The following PTPRG variants were observed in gnomAD, a reference collection of about 807,000 sequenced individuals.
The protein encoded by PTPRG is protein tyrosine phosphatase receptor type G.
PTPRG carries 102 observed loss-of-function variants against 165.3 expected under a neutral mutation model. That is an observed-to-expected ratio of 0.62 (90% CI 0.53 to 0.73). The LOEUF (loss-of-function observed/expected upper bound fraction) is 0.73. Ranked by LOEUF, PTPRG falls within the 30% of genes least tolerant of loss-of-function variation. The pLI is 0.00. For missense variants in PTPRG, 1,866 were observed against 1,861.4 expected, an observed-to-expected ratio of 1.00 and a Z score of -0.05; for synonymous variants, 675 against 669.5, an observed-to-expected ratio of 1.01 and a Z score of -0.13.
chr3:62,064,721 ATTTTTTTTTTT>A (rs35605831), intron 4 of PTPRG, among the ~76,000 whole-genome samples: 7 of 62,930 alleles, frequency 1.1e-4, no homozygotes, highest in South Asian at 8.2e-4. Context: ...GGTTATTTGG[ATTTTTTTTTTT>A]TTTTTTTTTT....
At chr3:62,194,770 T>C (rs2106816709) in intron 9 of PTPRG, among the ~76,000 whole-genome samples, 1 of 151,468 alleles carries the variant, frequency 6.6e-6, no homozygotes, top group South Asian at 2.1e-4. Context: ...GCCATTGAAC[T>C]CCAGCCTAGG....
chr3:62,280,595 TCA>T (rs1311399526), intron 26 of PTPRG, among the ~76,000 whole-genome samples: 1 of 151,928 alleles, frequency 6.6e-6, no homozygotes, highest in Non-Finnish European at 1.5e-5. Context: ...AAGAAAACTC[TCA>T]CACACTGTTG....
intron 4 of PTPRG, among the ~76,000 whole-genome samples, chr3:62,019,360 A>G (rs149988976): frequency 6.6e-6 from 1 of 152,226 alleles, no homozygotes; most frequent in Admixed American, 6.5e-5. Context: ...CATCTCTACC[A>G]AAAATACAAA....
intron 1 of PTPRG, among the ~76,000 whole-genome samples, chr3:61,688,342 C>T (rs1197222183): frequency 6.6e-6 from 1 of 152,204 alleles, no homozygotes; most frequent in East Asian, 1.9e-4. Flanking sequence ...CACGGGCCAG[C>T]CTAGACTCTG....
chr3:61,602,807 A>G (rs571938072), intron 1 of PTPRG, among the ~76,000 whole-genome samples: 1 of 152,224 alleles, frequency 6.6e-6, no homozygotes, highest in East Asian at 1.9e-4. Flanking sequence ...TGATTGTTAC[A>G]TTTTCAGGAA....
At chr3:61,845,233 G>C (rs760395791) in intron 2 of PTPRG, among the ~76,000 whole-genome samples, 1 of 152,184 alleles carries the variant, frequency 6.6e-6, no homozygotes, top group Admixed American at 6.5e-5. Context: ...CTTGGTGAAT[G>C]AACTGTCAAG....
intron 1 of PTPRG, among the ~76,000 whole-genome samples, chr3:61,609,675 G>T (rs542614028): frequency 6.6e-6 from 1 of 151,712 alleles, no homozygotes; most frequent in Admixed American, 6.6e-5. Context: ...TGGGCAATAC[G>T]GCAAAACCGC....
At chr3:61,611,742 G>C (rs2106874205) in intron 1 of PTPRG, among the ~76,000 whole-genome samples, 1 of 152,244 alleles carries the variant, frequency 6.6e-6, no homozygotes, top group Admixed American at 6.5e-5. Flanking sequence ...GCCACAGACA[G>C]TACATCAATG....
intron 17 of PTPRG, among the ~76,000 whole-genome samples, chr3:62,264,370 G>A (rs1701796539): frequency 6.6e-6 from 1 of 151,986 alleles, no homozygotes; most frequent in South Asian, 2.1e-4. Flanking sequence ...TATTCACGGA[G>A]TTGTACGATC....
At chr3:62,011,368 T>C (rs80343316) in intron 4 of PTPRG, among the ~76,000 whole-genome samples, 2,191 of 152,306 alleles carry the variant, frequency 0.014, 46 homozygotes, top group African/African-American at 0.05. Flanking sequence ...ACTCCTTTCA[T>C]AGAGTCTCTG....
chr3:62,074,180 A>AGAGTGTGT (rs1553713353), intron 4 of PTPRG, among the ~76,000 whole-genome samples: 11 of 143,688 alleles, frequency 7.7e-5, no homozygotes, highest in Middle Eastern at 3.7e-3. Flanking sequence ...AAAAAGTGAG[A>AGAGTGTGT]GTGTGTGTGT....
chr3:62,000,246 G>A (rs1664158323), intron 3 of PTPRG, among the ~76,000 whole-genome samples: 2 of 145,852 alleles, frequency 1.4e-5, no homozygotes, highest in Non-Finnish European at 3.0e-5. Flanking sequence ...ACATCATTGC[G>A]CTCCAGCCTG....
At chr3:62,259,740 AG>A (rs759418766) in intron 16 of PTPRG, among the ~76,000 whole-genome samples, 7 of 152,194 alleles carry the variant, frequency 4.6e-5, no homozygotes, top group Non-Finnish European at 7.3e-5. Context: ...CTCCAAAGAT[AG>A]GTTAGTTTTC....
chr3:61,900,495 A>C (rs1197089813), intron 2 of PTPRG, among the ~76,000 whole-genome samples: 1 of 152,158 alleles, frequency 6.6e-6, no homozygotes, highest in African/African-American at 2.4e-5. Flanking sequence ...GTAAGTCCCC[A>C]TCCTCTGATG....
intron 2 of PTPRG, among the ~76,000 whole-genome samples, chr3:61,965,046 C>A (rs2107648905): frequency 6.6e-6 from 1 of 152,184 alleles, no homozygotes; most frequent in African/African-American, 2.4e-5. Context: ...AGTCCGAGAC[C>A]AGCCTGGCTA....
At chr3:62,198,927 C>G (rs76892673) in intron 10 of PTPRG, among the ~76,000 whole-genome samples, 1 of 152,260 alleles carries the variant, frequency 6.6e-6, no homozygotes, top group East Asian at 1.9e-4. Flanking sequence ...CCCATGGACC[C>G]TAGGTTAAAC....
chr3:62,116,887 A>G (rs1037198527), intron 5 of PTPRG, among the ~76,000 whole-genome samples: 1 of 152,230 alleles, frequency 6.6e-6, no homozygotes, highest in Non-Finnish European at 1.5e-5. Context: ...ACTTCTTATA[A>G]GTCACCCAGC....
Position 62,297,412 on chromosome 3 carries a change from A to T in PTPRG, c.*4105A>T, listed in dbSNP as rs1211102176. The T allele has an allele frequency of 6.7e-6, 1 of 150,084 alleles. No individual in the cohort carries two copies. The highest frequency in any genetic ancestry group is 2.4e-5 in the African/African-American group (1 of 40,992). 9.3% of individuals were successfully genotyped at this position (150,084 alleles called of 1,614,324 possible). The stretch of plus-strand genomic sequence containing the variant: ...AGGAATTAGACATAATTAGTCACTG[A>T]AAACATTCGTCACATTGACCCATTT... On this transcript the variant is annotated 3_prime_UTR_variant, in exon 30 of 30. Transcript: ENST00000474889.
Position 62,292,426 on chromosome 3 carries a change from G to C in PTPRG, c.4061G>C (p.Gly1354Ala), listed in dbSNP as rs1702931016. 3 of 1,611,388 alleles carry C rather than the reference G, an allele frequency of 1.9e-6. No homozygotes were observed. The highest frequency in any genetic ancestry group is 1.7e-6 in the Non-Finnish European group (2 of 1,178,968). ...DGPTIVHDEY[G>A]AVSAGMLCAL... ...CTTTTTTTTTTCTCCCCCAGGTATG[G>C]AGCAGTTTCAGCAGGAATGTTATGT... Residue 1354 changes from glycine (G) to alanine (A), a missense_variant, in exon 29 of 30, where the codon GGA (glycine) becomes GCA (alanine). By Grantham distance (60) the Gly-to-Ala change is moderately conservative (BLOSUM62 0). Around this residue, in one of 3 missense-constraint regions of PTPRG, gnomAD observed 1,452 missense variants for 1,463.0 expected, o/e 0.99. Transcript: ENST00000474889.
Sources: allele counts gnomAD v4.1 joint callset (sites outside exome capture counted in the v4.1 genomes callset), GRCh38; gene constraint gnomAD v4.1.1; regional missense constraint gnomAD v4.1.1; transcripts MANE v1.5; gene names NCBI Gene and HGNC (gene_info 2026-07-23, HGNC 2026-07-21).